OR51B5: variants seen among roughly 807,000 people sequenced by gnomAD.
OR51B5 encodes olfactory receptor family 51 subfamily B member 5, also known as olfactory receptor 51B5.
For synonymous variants in OR51B5, 186 were observed against 144.8 expected, an observed-to-expected ratio of 1.28 and a Z score of -2.04; for missense variants, 456 against 374.6, an observed-to-expected ratio of 1.22 and a Z score of -1.79.
At chr11:5,361,008 G>GCA (rs1849276128) in intron 1 of OR51B5, among the ~76,000 whole-genome samples, 1 of 146,806 alleles carries the variant, frequency 6.8e-6, no homozygotes, top group Non-Finnish European at 1.5e-5. Context: ...GGGTCGGGGG[G>GCA]AGGGATAGCA....
intron 1 of OR51B5, among the ~76,000 whole-genome samples, chr11:5,462,217 G>A (rs978258093): frequency 3.3e-5 from 5 of 152,180 alleles, no homozygotes; most frequent in Non-Finnish European, 7.3e-5. Flanking sequence ...GAGACACTCA[G>A]AATAATTATA....
At chr11:5,388,336 A>G (rs1849733538) in intron 1 of OR51B5, among the ~76,000 whole-genome samples, 2 of 151,824 alleles carry the variant, frequency 1.3e-5, no homozygotes, top group South Asian at 4.2e-4. Flanking sequence ...ATATCATGGT[A>G]ATTAGTGCAT....
At chr11:5,479,688 C>CA (rs1168634153) in intron 1 of OR51B5, among the ~76,000 whole-genome samples, 1 of 149,726 alleles carries the variant, frequency 6.7e-6, no homozygotes, top group East Asian at 2.0e-4. Context: ...AAATGGAAAA[C>CA]AAAAAAAGGC....
At chr11:5,438,360 C>CCCG (rs1554891822) in intron 1 of OR51B5, among the ~76,000 whole-genome samples, 1 of 151,678 alleles carries the variant, frequency 6.6e-6, no homozygotes, top group African/African-American at 2.4e-5. Flanking sequence ...GCAACACCCC[C>CCCG]CCCCAGTTAT....
intron 1 of OR51B5, chr11:5,454,343 T>C: frequency 6.2e-7 from 1 of 1,614,120 alleles, no homozygotes; most frequent in Non-Finnish European, 8.5e-7. Flanking sequence ...TTGTGCCTCC[T>C]GTGCTCAACC....
chr11:5,420,802 AT>A (rs1025039061), intron 1 of OR51B5, among the ~76,000 whole-genome samples: 2 of 151,858 alleles, frequency 1.3e-5, no homozygotes, highest in South Asian at 2.1e-4. Context: ...CTATTGAATA[AT>A]TTTTTTTCTA....
chr11:5,407,699 CCT>C (rs1850079642), intron 1 of OR51B5, among the ~76,000 whole-genome samples: 2 of 151,436 alleles, frequency 1.3e-5, no homozygotes, highest in Non-Finnish European at 2.9e-5. Context: ...TATTATTTCC[CCT>C]GTTTATTCTG....
In OR51B5 at chr11:5,389,607, C is replaced by G. The variant is rs367569910; in HGVS notation, n.85-42697G>C. 33 of 1,613,720 alleles carry G rather than the reference C, an allele frequency of 2.0e-5. No individual in the cohort carries two copies. Among genetic ancestry groups the G allele is most frequent in the Non-Finnish European group, 2.7e-5 (32 of 1,179,902 alleles). ...AAGACCAACCCTCGTCTGCACACAC[C>G]CATGTACTATCTACTATCCTTGCTG... On this transcript the variant is annotated intron_variant and non_coding_transcript_variant, in intron 1 of 4. Coordinates refer to the OR51B5 transcript ENST00000415970.
chr11:5,381,154 G>A (rs1309277140), intron 1 of OR51B5, among the ~76,000 whole-genome samples: 1 of 63,282 alleles, frequency 1.6e-5, no homozygotes, highest in Non-Finnish European at 3.9e-5. Context: ...TCGCTCGCTC[G>A]CTGTTTCTCT....
chr11:5,377,111 G>A (rs10837942), intron 1 of OR51B5, among the ~76,000 whole-genome samples: 3 of 151,868 alleles, frequency 2.0e-5, no homozygotes, highest in South Asian at 2.1e-4. Context: ...GCTTATCCAC[G>A]ATGATCAAGT....
chr11:5,347,312 A>C (rs141275559), upstream of OR51B5, among the ~76,000 whole-genome samples: 2 of 152,306 alleles, frequency 1.3e-5, no homozygotes, highest in Non-Finnish European at 2.9e-5. Context: ...CTTGGTTTAG[A>C]TCAGAGAAAG....
chr11:5,377,167 A>G (rs1849540397), intron 1 of OR51B5, among the ~76,000 whole-genome samples: 1 of 152,158 alleles, frequency 6.6e-6, no homozygotes. Context: ...TATGCAAATC[A>G]ATAAATGTAA....
intron 1 of OR51B5, among the ~76,000 whole-genome samples, chr11:5,401,074 A>T (rs960388114): frequency 6.6e-6 from 1 of 152,194 alleles, no homozygotes; most frequent in Admixed American, 6.5e-5. Context: ...TTCTAATGTT[A>T]TAACTGCTGA....
rs1005713904 is a variant in OR51B5 at position 5,480,685 on chromosome 11, G to T, written n.84+24884C>A. On this transcript the variant is annotated intron_variant and non_coding_transcript_variant, in intron 1 of 4. Coordinates refer to the OR51B5 transcript ENST00000415970. ...AAATGATAAAGGGGATATCACCACC[G>T]ATCCCACAGAAATACAAACTACCAT... Among the ~76,000 whole-genome samples, 87 of 151,226 alleles carry T rather than the reference G, an allele frequency of 5.8e-4. 1 individual carries two copies. Among genetic ancestry groups the T allele is most frequent in the African/African-American group, 1.5e-3 (61 of 41,250 alleles).
chr11:5,444,121 G>C (rs939336931), intron 1 of OR51B5, among the ~76,000 whole-genome samples: 4 of 152,068 alleles, frequency 2.6e-5, no homozygotes, highest in African/African-American at 9.7e-5. Flanking sequence ...TGTCACAAAT[G>C]CATCAGCATT....
chr11:5,403,061 G>T (rs1353051336), intron 1 of OR51B5: 1 of 471,640 alleles, frequency 2.1e-6, no homozygotes, highest in Admixed American at 2.3e-5. Flanking sequence ...GTACTGAAAA[G>T]CATTATGCTC....
chr11:5,418,368 C>T (rs914848855), intron 1 of OR51B5, among the ~76,000 whole-genome samples: 2 of 151,862 alleles, frequency 1.3e-5, no homozygotes, highest in African/African-American at 4.8e-5. Context: ...AACTAACCTG[C>T]ACATTGTGCA....
chr11:5,363,236 C>G (rs775034519), intron 1 of OR51B5, among the ~76,000 whole-genome samples: 33,462 of 109,304 alleles, frequency 0.31, 4,359 homozygotes, highest in South Asian at 0.33. Flanking sequence ...AACCCAACCC[C>G]TCACACACAC....
intron 1 of OR51B5, among the ~76,000 whole-genome samples, chr11:5,369,990 C>T (rs1407043219): frequency 1.3e-5 from 2 of 151,936 alleles, no homozygotes; most frequent in Non-Finnish European, 2.9e-5. Context: ...TATTCTGTGT[C>T]AATCTGTATC....
Sources: gnomAD v4.1 joint callset for allele counts (sites outside exome capture counted in the v4.1 genomes callset) on GRCh38, gnomAD v4.1.1 for gene constraint, MANE v1.5 for transcripts, NCBI Gene and HGNC (gene_info 2026-07-23, HGNC 2026-07-21) for gene names.